The following EVI5 variants were observed in gnomAD, a reference collection of about 807,000 sequenced individuals.
EVI5 encodes the protein ecotropic viral integration site 5, also known as ecotropic viral integration site 5 protein homolog.
In EVI5, 73 loss-of-function variants were observed where a neutral mutation model predicts 112.0. The observed-to-expected ratio is 0.65, with a 90% CI of 0.54 to 0.79. EVI5 has a LOEUF of 0.79. Among genes scored for constraint, EVI5 ranks in the 30% least tolerant of loss-of-function variants. The pLI, the probability that EVI5 is intolerant of heterozygous loss-of-function variation, is 0.00. For synonymous variants in EVI5, 305 were observed against 319.9 expected (o/e 0.95, Z 0.50); for missense variants, 900 against 968.8 (o/e 0.93, Z 0.94).
intron 16 of EVI5, among the ~76,000 whole-genome samples, chr1:92,617,208 G>A (rs1653392696): frequency 6.6e-6 from 1 of 152,232 alleles, no homozygotes; most frequent in South Asian, 2.1e-4. Context: ...TTCCCAGTGG[G>A]CAGAACTTCG....
rs1022548547 is a variant in EVI5 at position 92,726,402 on chromosome 1, G to A, written c.149+9996C>T. On this transcript the variant is annotated intron_variant, in intron 2 of 19. Transcript: ENST00000684568. Reference sequence around the variant, plus strand: ...ACACAAGAGAGAAATCAATGAAATCGCAACATTAAAATATTTGGAAAATAA... The same window carrying A: ...ACACAAGAGAGAAATCAATGAAATCACAACATTAAAATATTTGGAAAATAA... Among the ~76,000 whole-genome samples, 6 of 151,974 alleles carry A rather than the reference G, an allele frequency of 3.9e-5. No homozygotes were observed. In the East Asian group the frequency reaches 5.8e-4, roughly 15 times the overall value.
intron 1 of EVI5, among the ~76,000 whole-genome samples, chr1:92,760,717 A>C: frequency 7.4e-6 from 1 of 134,974 alleles, no homozygotes; most frequent in African/African-American, 2.8e-5. Context: ...CTGGGCGAAG[A>C]CTGAGACTCT....
Position 92,653,683 on chromosome 1 carries a change from C to A in EVI5, c.1392+9036G>T, listed in dbSNP as rs115690785. On this transcript the variant is annotated intron_variant, in intron 13 of 19. Transcript: ENST00000684568. Reference sequence around the variant, plus strand: ...TCAGTCCACCATATCTAAGCTTGTGCAAAAGGTGGGACCCCCTCCCCCTCT... The same window carrying A: ...TCAGTCCACCATATCTAAGCTTGTGAAAAAGGTGGGACCCCCTCCCCCTCT... 2.8e-3 allele frequency among the ~76,000 whole-genome samples: 433 copies of A among 152,330 alleles called. 1 individual carries two copies. The highest frequency in any genetic ancestry group is 9.3e-3 in the African/African-American group (387 of 41,584).
intron 18 of EVI5, among the ~76,000 whole-genome samples, chr1:92,589,093 AT>A (rs1462481620): frequency 2.0e-5 from 3 of 152,218 alleles, no homozygotes; most frequent in African/African-American, 7.2e-5. Flanking sequence ...TTAACAGGGA[AT>A]GCTGATCACA....
intron 1 of EVI5, among the ~76,000 whole-genome samples, chr1:92,759,896 A>C: frequency 7.5e-6 from 1 of 133,964 alleles, no homozygotes; most frequent in South Asian, 2.8e-4. Flanking sequence ...ATTCATCTCT[A>C]TGCTGAGGAA....
intron 18 of EVI5, among the ~76,000 whole-genome samples, chr1:92,572,130 A>G (rs951019439): frequency 2.0e-5 from 3 of 152,162 alleles, no homozygotes; most frequent in Non-Finnish European, 4.4e-5. Flanking sequence ...ATTCATATTA[A>G]GGCCTTAAGC....
intron 19 of EVI5, among the ~76,000 whole-genome samples, chr1:92,514,963 G>C (rs536313505): frequency 6.6e-6 from 1 of 152,330 alleles, no homozygotes; most frequent in African/African-American, 2.4e-5. Flanking sequence ...GAGGAATGCT[G>C]CTTCCCACTC....
chr1:92,666,773 C>T lies in EVI5; in HGVS notation c.1159-781G>A, dbSNP rs544070729. ...TTCCAGCTGTGATTAAATTTAAATACACTCTACAGTACATATAGAAATAAG... is the reference window on the plus strand; with the variant it reads ...TTCCAGCTGTGATTAAATTTAAATATACTCTACAGTACATATAGAAATAAG... On this transcript the variant is annotated intron_variant, in intron 10 of 19. Coordinates refer to ENST00000684568, the MANE Select transcript of EVI5 (RefSeq NM_001350197.2). Among the ~76,000 whole-genome samples, 124 of 152,210 alleles carry T rather than the reference C, an allele frequency of 8.1e-4. 1 individual carries two copies. The highest frequency in any genetic ancestry group is 3.0e-3 in the African/African-American group (123 of 41,536).
intron 2 of EVI5, among the ~76,000 whole-genome samples, chr1:92,716,412 G>C (rs1029374538): frequency 2.6e-5 from 4 of 152,216 alleles, no homozygotes; most frequent in African/African-American, 9.6e-5. Flanking sequence ...AAACAGAAAG[G>C]AATAGCATCA....
chr1:92,711,912 G>C (rs1672904465), intron 2 of EVI5, among the ~76,000 whole-genome samples: 1 of 152,102 alleles, frequency 6.6e-6, no homozygotes, highest in African/African-American at 2.4e-5. Context: ...CAAGATCAAG[G>C]CACCAGCAAG....
intron 2 of EVI5, among the ~76,000 whole-genome samples, chr1:92,705,842 G>A (rs992639935): frequency 6.6e-6 from 1 of 152,012 alleles, no homozygotes; most frequent in African/African-American, 2.4e-5. Context: ...AGCTGAGAAA[G>A]AAAATAAACA....
chr1:92,550,815 A>G (rs1451551051), intron 19 of EVI5, among the ~76,000 whole-genome samples: 1 of 90,256 alleles, frequency 1.1e-5, no homozygotes, highest in African/African-American at 4.5e-5. Context: ...TATATATATA[A>G]CAAAAAAAAC....
intron 18 of EVI5, among the ~76,000 whole-genome samples, chr1:92,592,607 T>C (rs1373421210): frequency 6.6e-6 from 1 of 152,186 alleles, no homozygotes; most frequent in East Asian, 1.9e-4. Context: ...TTAAAAGCCC[T>C]TCAAAAAATC....
At chr1:92,771,093 G>A (rs1027808133) in intron 1 of EVI5, among the ~76,000 whole-genome samples, 1 of 151,972 alleles carries the variant, frequency 6.6e-6, no homozygotes. Flanking sequence ...TGGGATTACA[G>A]GAGAGAGCCA....
At position 92,638,505 on chromosome 1, in the gene EVI5, C is replaced by T. The variant is rs538543039; in HGVS notation, c.1393-2169G>A. On this transcript the variant is annotated intron_variant, in intron 13 of 19. Transcript: ENST00000684568. ...CACAGTGTCTAAGGAAAAGATGCTG[C>T]TGTGAACTATAAATTACCTGAAGCT... Among the ~76,000 whole-genome samples the T allele has an allele frequency of 3.3e-5, 5 of 152,238 alleles. No homozygotes were observed. In the East Asian group the frequency reaches 9.6e-4, roughly 29 times the overall value.
Position 92,693,833 on chromosome 1 carries a change from G to C in EVI5, c.1066C>G (p.Gln356Glu), listed in dbSNP as rs1365453389. 5 of 1,602,406 alleles carry C rather than the reference G, an allele frequency of 3.1e-6. No individual in the cohort carries two copies. The highest frequency in any genetic ancestry group is 1.3e-5 in the African/African-American group (1 of 74,560). Residue 356 changes from glutamine to glutamate, a missense_variant, in exon 9 of 20, where the codon CAA (glutamine) becomes GAA (glutamate). Coordinates refer to ENST00000684568, the MANE Select transcript of EVI5 (RefSeq NM_001350197.2). Reference protein sequence around the residue: ...VPDKLIQAAYQVKYNSKKMKK... With the variant: ...VPDKLIQAAYEVKYNSKKMKK... ...ATTTTTTTTGAATTGTATTTGACTT[G>C]GTAAGCTGCTTGGATTAGCTTGTCT...
chr1:92,548,389 T>G (rs917700633), intron 19 of EVI5, among the ~76,000 whole-genome samples: 2 of 152,188 alleles, frequency 1.3e-5, no homozygotes, highest in Admixed American at 6.5e-5. Context: ...ACAGCCAATA[T>G]CATACTGAAT....
intron 11 of EVI5, among the ~76,000 whole-genome samples, chr1:92,664,989 G>A (rs182188018): frequency 1.3e-5 from 2 of 152,182 alleles, no homozygotes; most frequent in Non-Finnish European, 1.5e-5. Context: ...GGCGGATCAC[G>A]AGGTCAAGAG....
intron 18 of EVI5, among the ~76,000 whole-genome samples, chr1:92,604,410 T>C (rs1649899764): frequency 6.6e-6 from 1 of 151,710 alleles, no homozygotes; most frequent in African/African-American, 2.4e-5. Context: ...AGCTTAGGCC[T>C]ACACAGGGTC....
Sources: allele counts gnomAD v4.1 joint callset (sites outside exome capture counted in the v4.1 genomes callset), GRCh38; gene constraint gnomAD v4.1.1; transcripts MANE v1.5; gene names NCBI Gene and HGNC (gene_info 2026-07-23, HGNC 2026-07-21).